Variants in KIF18A observed in about 807,000 individuals in gnomAD.
KIF18A encodes kinesin family member 18A.
A neutral mutation model predicts 103.3 loss-of-function variants in KIF18A; 67 were observed. The observed-to-expected ratio is 0.65, with a 90% CI of 0.53 to 0.79. The LOEUF (loss-of-function observed/expected upper bound fraction) is 0.79. Ranked by LOEUF, KIF18A falls within the 30% of genes least tolerant of loss-of-function variation. The pLI is 0.00. For synonymous variants in KIF18A, 367 were observed against 355.5 expected (o/e 1.03, Z -0.36); for missense variants, 1,032 against 1,062.5 (o/e 0.97, Z 0.40).
chr11:28,052,877 A>G (rs1850728305), intron 13 of KIF18A, among the ~76,000 whole-genome samples: 3 of 152,152 alleles, frequency 2.0e-5, no homozygotes, highest in Admixed American at 2.0e-4. Context: ...AGATGACTAT[A>G]TCAGAAAAAT....
intron 15 of KIF18A, among the ~76,000 whole-genome samples, chr11:28,030,666 C>T (rs1423744898): frequency 1.5e-4 from 22 of 151,614 alleles, no homozygotes; most frequent in Non-Finnish European, 2.5e-4. Context: ...GCAACAAAAG[C>T]CAAAATTGAC....
At chr11:28,102,989 A>G (rs1303527194) in intron 1 of KIF18A, among the ~76,000 whole-genome samples, 1 of 152,188 alleles carries the variant, frequency 6.6e-6, no homozygotes, top group African/African-American at 2.4e-5. Flanking sequence ...TATCTGCGCA[A>G]GAATGTGTGG....
intron 15 of KIF18A, among the ~76,000 whole-genome samples, chr11:28,031,206 C>T (rs1449214102): frequency 2.0e-5 from 3 of 152,160 alleles, no homozygotes; most frequent in Non-Finnish European, 4.4e-5. Context: ...GATTATAAAT[C>T]ATGCTGCTAT....
At chr11:28,069,502 T>C in intron 10 of KIF18A, 79 bp from the exon 11 acceptor site, 1 of 1,322,036 alleles carries the variant, frequency 7.6e-7, no homozygotes, top group East Asian at 2.4e-5. Flanking sequence ...TAGTATATTT[T>C]CTTATGTGTA....
chr11:28,059,582 C>T (rs1850832286), intron 12 of KIF18A, among the ~76,000 whole-genome samples: 1 of 152,018 alleles, frequency 6.6e-6, no homozygotes, highest in African/African-American at 2.4e-5. Context: ...CAGATGTGTG[C>T]CACTACACTG....
At chr11:28,060,916 T>C (rs1298107619) in intron 12 of KIF18A, among the ~76,000 whole-genome samples, 1 of 152,194 alleles carries the variant, frequency 6.6e-6, no homozygotes, top group Non-Finnish European at 1.5e-5. Flanking sequence ...CTGGAGGAAT[T>C]GTGCACATTC....
chr11:28,099,607 T>C (rs1439419703), intron 1 of KIF18A, among the ~76,000 whole-genome samples: 1 of 152,000 alleles, frequency 6.6e-6, no homozygotes, highest in Non-Finnish European at 1.5e-5. Context: ...TAAGTTAAAA[T>C]AAAAGAGACA....
chr11:28,097,065 T>C (rs1488992360), intron 2 of KIF18A, among the ~76,000 whole-genome samples: 1 of 152,076 alleles, frequency 6.6e-6, no homozygotes, highest in Non-Finnish European at 1.5e-5. Context: ...GTTTGTTACA[T>C]GGGTAAATTG....
intron 15 of KIF18A, among the ~76,000 whole-genome samples, chr11:28,028,946 C>G (rs1850358213): frequency 6.6e-6 from 1 of 152,114 alleles, no homozygotes; most frequent in Admixed American, 6.5e-5. Context: ...GGATAAATTC[C>G]TGGACACATA....
At chr11:28,086,489 T>C (rs970982368) in intron 6 of KIF18A, among the ~76,000 whole-genome samples, 2 of 152,236 alleles carry the variant, frequency 1.3e-5, no homozygotes, top group Non-Finnish European at 2.9e-5. Context: ...GAAAGTAGAA[T>C]GTTTATATAA....
chr11:28,026,086 A>G (rs958508648), intron 15 of KIF18A, among the ~76,000 whole-genome samples: 5 of 151,894 alleles, frequency 3.3e-5, no homozygotes, highest in African/African-American at 4.8e-5. Context: ...AACATTATGT[A>G]TGCATTATAT....
intron 1 of KIF18A, among the ~76,000 whole-genome samples, chr11:28,107,229 A>G (rs1851534608): frequency 6.6e-6 from 1 of 152,176 alleles, no homozygotes; most frequent in African/African-American, 2.4e-5. Flanking sequence ...TAAAATCTGT[A>G]GAGTGCCTAA....
intron 15 of KIF18A, among the ~76,000 whole-genome samples, chr11:28,033,572 A>T (rs185737963): frequency 1.3e-5 from 2 of 151,930 alleles, no homozygotes. Flanking sequence ...GCATGGATGG[A>T]ACTGATGGTA....
intron 15 of KIF18A, among the ~76,000 whole-genome samples, chr11:28,027,135 C>T (rs1317345285): frequency 6.6e-6 from 1 of 151,734 alleles, no homozygotes; most frequent in East Asian, 1.9e-4. Flanking sequence ...TGATAACAGG[C>T]TCCTGGTGGA....
At chr11:28,024,198 A>AAAC (rs1460901250) in intron 15 of KIF18A, among the ~76,000 whole-genome samples, 12 of 151,258 alleles carry the variant, frequency 7.9e-5, no homozygotes, top group Middle Eastern at 3.4e-3. Context: ...GGTTAAAAAA[A>AAAC]AAAAAAAAAA....
At chr11:28,083,969 C>G (rs982867673) in intron 7 of KIF18A, among the ~76,000 whole-genome samples, 9 of 152,046 alleles carry the variant, frequency 5.9e-5, no homozygotes, top group African/African-American at 2.2e-4. Context: ...GTCATCACAA[C>G]AGCTTAACTC....
intron 6 of KIF18A, among the ~76,000 whole-genome samples, chr11:28,086,133 T>G (rs1438806768): frequency 6.6e-6 from 1 of 152,166 alleles, no homozygotes; most frequent in Non-Finnish European, 1.5e-5. Flanking sequence ...ATCATCTTAG[T>G]AACTTTTCTG....
rs768702043 is a variant in KIF18A, at chr11:28,083,219, T to G, written c.1099A>C (p.Asn367His). The change falls in exon 8 of 17, where the codon AAT becomes CAT. Residue 367 changes from asparagine to histidine, a missense_variant. Physicochemically the swap from Asn to His is moderately conservative, Grantham distance 68. Transcript: ENST00000263181. ...SSLKSNVLNV[N>H]NHITQYVKIC... ...TTTACATATTGAGTTATATGATTAT[T>G]GACATTAAGAACATTGCTCTTCAAC... The G allele has an allele frequency of 6.4e-7, 1 of 1,559,636 alleles. No individual in the cohort carries two copies. The highest frequency in any genetic ancestry group is 8.6e-7 in the Non-Finnish European group (1 of 1,163,770).
intron 1 of KIF18A, among the ~76,000 whole-genome samples, chr11:28,107,376 TAA>T (rs201819577): frequency 4.4e-5 from 6 of 136,602 alleles, no homozygotes; most frequent in East Asian, 2.1e-4. Flanking sequence ...AATGAGCTCC[TAA>T]AAAAAAAAAA....
Sources: allele counts gnomAD v4.1 joint callset (sites outside exome capture counted in the v4.1 genomes callset), GRCh38; gene constraint gnomAD v4.1.1; transcripts MANE v1.5; gene names NCBI Gene and HGNC (gene_info 2026-07-23, HGNC 2026-07-21).